Variants in KCNIP4 observed in about 807,000 individuals in gnomAD.
KCNIP4 encodes Kv channel-interacting protein 4.
A neutral mutation model predicts 34.0 loss-of-function variants in KCNIP4; 12 were observed. That is an observed-to-expected ratio of 0.35 (90% CI 0.23 to 0.57). The LOEUF is 0.57. Among genes scored for constraint, KCNIP4 ranks in the 20% least tolerant of loss-of-function variants. KCNIP4 has a pLI of 0.83. For missense variants in KCNIP4, 238 were observed against 311.7 expected, an observed-to-expected ratio of 0.76 and a Z score of 1.78; for synonymous variants, 124 against 102.2, an observed-to-expected ratio of 1.21 and a Z score of -1.29.
rs567408403 is a variant in KCNIP4 at position 21,153,144 on chromosome 4, A to G, written c.62-270435T>C. 7.2e-4 allele frequency among the ~76,000 whole-genome samples: 110 copies of G among 152,328 alleles called. 1 individual carries two copies. The highest frequency in any genetic ancestry group is 2.5e-3 in the African/African-American group (104 of 41,590). On this transcript the variant is annotated intron_variant, in intron 1 of 8. Coordinates refer to ENST00000382152, the MANE Select transcript of KCNIP4 (RefSeq NM_025221.6). ...ATTTGCACAGGTGTATGCACAGGCT[A>G]GACTCCTAGTAGTAGAATTGTTGGC... is the stretch of plus-strand genomic sequence containing the variant.
intron 1 of KCNIP4, among the ~76,000 whole-genome samples, chr4:21,237,811 C>T (rs1049809615): frequency 1.3e-5 from 2 of 152,204 alleles, no homozygotes; most frequent in African/African-American, 2.4e-5. Flanking sequence ...CAAGGAGGAG[C>T]TGTTATCATT....
At position 21,899,510 on chromosome 4, in the gene KCNIP4, G is replaced by GATA. The variant is rs1420565047; in HGVS notation, c.61+49058_61+49060dup. On this transcript the variant is annotated intron_variant, in intron 1 of 8. Coordinates refer to ENST00000382152, the MANE Select transcript of KCNIP4 (RefSeq NM_025221.6). The stretch of plus-strand genomic sequence containing the variant: ...AGAAGTCAAATTATCATTGTTTGAA[G>GATA]ATAATATGATCTTATAGTTGAAAAA... Among the ~76,000 whole-genome samples, 6 of 151,864 alleles carry GATA rather than the reference G, an allele frequency of 4.0e-5. No homozygotes were observed. In the East Asian group the frequency reaches 9.7e-4, roughly 25 times the overall value.
Position 21,892,910 on chromosome 4 carries a change from G to T in KCNIP4, c.61+55661C>A, listed in dbSNP as rs368967450. ...AGCCAGTGCATCTCTATTTTCAGCA[G>T]TTCCACAGGCGATATAGCCACAGCT... is the stretch of plus-strand genomic sequence containing the variant. On this transcript the variant is annotated intron_variant, in intron 1 of 8. Transcript: ENST00000382152. Among the ~76,000 whole-genome samples, 13 of 152,206 alleles carry T rather than the reference G, an allele frequency of 8.5e-5. No individual in the cohort carries two copies. In the South Asian group the frequency reaches 2.7e-3, roughly 32 times the overall value.
chr4:20,888,396 T>C (rs1725553388), intron 1 of KCNIP4, among the ~76,000 whole-genome samples: 2 of 152,190 alleles, frequency 1.3e-5, no homozygotes. Context: ...GCAGATTTGC[T>C]ACTTGTAATT....
Position 21,205,071 on chromosome 4 carries a change from GA to G in KCNIP4, c.62-322363del, listed in dbSNP as rs1358498389. ...ACTGTGAATTTCTGGAAGTTTCAAC[GA>G]AAAGCTGGTTCATCAAGAATGCACG... On this transcript the variant is annotated intron_variant, in intron 1 of 8. Coordinates refer to ENST00000382152, the MANE Select transcript of KCNIP4 (RefSeq NM_025221.6). 7.2e-5 allele frequency among the ~76,000 whole-genome samples: 11 copies of G among 152,310 alleles called. No individual in the cohort carries two copies. In the East Asian group the frequency reaches 2.1e-3, roughly 29 times the overall value.
intron 1 of KCNIP4, among the ~76,000 whole-genome samples, chr4:21,011,351 G>A (rs1739048947): frequency 1.3e-5 from 2 of 152,170 alleles, no homozygotes; most frequent in African/African-American, 2.4e-5. Context: ...TGAGTCATAA[G>A]AGTAACACTT....
chr4:20,818,147 C>A (rs73242504), intron 3 of KCNIP4, among the ~76,000 whole-genome samples: 12,933 of 152,166 alleles, frequency 0.085, 612 homozygotes, highest in African/African-American at 0.11. Context: ...AGATACCTTA[C>A]CCACTCAGTT....
intron 1 of KCNIP4, among the ~76,000 whole-genome samples, chr4:21,036,390 G>A (rs545280981): frequency 2.6e-5 from 4 of 152,240 alleles, no homozygotes; most frequent in African/African-American, 4.8e-5. Context: ...GATCCAATTT[G>A]GGGAATAAAG....
At chr4:21,597,715 CA>C (rs765620791) in intron 1 of KCNIP4, among the ~76,000 whole-genome samples, 1 of 152,116 alleles carries the variant, frequency 6.6e-6, no homozygotes, top group Admixed American at 6.6e-5. Context: ...GGGGATGACC[CA>C]AAATTACAGG....
chr4:20,971,572 A>G (rs1734956382), intron 1 of KCNIP4, among the ~76,000 whole-genome samples: 1 of 152,230 alleles, frequency 6.6e-6, no homozygotes, highest in Non-Finnish European at 1.5e-5. Context: ...ACAATGTGCA[A>G]ACTGTAATTT....
intron 1 of KCNIP4, among the ~76,000 whole-genome samples, chr4:21,584,770 A>G (rs1010447743): frequency 1.3e-5 from 2 of 152,074 alleles, no homozygotes; most frequent in Admixed American, 1.3e-4. Context: ...TGGAATAAAA[A>G]CTTGGAAGGA....
intron 1 of KCNIP4, among the ~76,000 whole-genome samples, chr4:21,692,370 A>G (rs1400041389): frequency 6.6e-6 from 1 of 152,210 alleles, no homozygotes; most frequent in Admixed American, 6.5e-5. Flanking sequence ...GGCAGATTAT[A>G]AGAAGATTAA....
Position 20,819,615 on chromosome 4 carries a change from C to T in KCNIP4, c.288+30928G>A, listed in dbSNP as rs372406213. ...ATAGTTTGAATGGATGAGGTCCCTC[C>T]AAAATTCATATGTTGGACCTGAATA... On this transcript the variant is annotated intron_variant, in intron 3 of 8. Transcript: ENST00000382152. 1.2e-4 allele frequency among the ~76,000 whole-genome samples: 19 copies of T among 152,298 alleles called. 1 individual carries two copies. Among genetic ancestry groups the T allele is most frequent in the South Asian group, 6.2e-4 (3 of 4,826 alleles).
chr4:20,770,505 C>T (rs1463033529), intron 3 of KCNIP4, among the ~76,000 whole-genome samples: 1 of 151,416 alleles, frequency 6.6e-6, no homozygotes, highest in Non-Finnish European at 1.5e-5. Context: ...AAGAATTCTA[C>T]TTAAAAGAAA....
rs568882159 is a variant in KCNIP4 at position 21,306,885 on chromosome 4, C to T, written c.62-424176G>A. On this transcript the variant is annotated intron_variant, in intron 1 of 8. Transcript: ENST00000382152. ...GCCCACATTGGAGTGCAATGGTGAG[C>T]GATCTCGGCTCACCGCAACCTCCGT... 2.3e-4 allele frequency among the ~76,000 whole-genome samples: 35 copies of T among 151,590 alleles called. 1 individual carries two copies. In the South Asian group the frequency reaches 4.2e-3, roughly 18 times the overall value.
chr4:21,715,408 G>T (rs1465283097), intron 1 of KCNIP4, among the ~76,000 whole-genome samples: 1 of 152,070 alleles, frequency 6.6e-6, no homozygotes, highest in Non-Finnish European at 1.5e-5. Context: ...AGGATTACAG[G>T]TGTGAGCCAC....
chr4:21,221,996 T>A (rs1758013188), intron 1 of KCNIP4, among the ~76,000 whole-genome samples: 1 of 152,154 alleles, frequency 6.6e-6, no homozygotes. Context: ...TTTAGACACA[T>A]CTATCAGATC....
chr4:21,528,723 G>T (rs1736248068), intron 1 of KCNIP4, among the ~76,000 whole-genome samples: 1 of 1,274 alleles, frequency 7.8e-4, no homozygotes, highest in African/African-American at 2.9e-3. Context: ...AAGAAAGAAA[G>T]AAAGAAAGAA....
chr4:21,326,933 A>G (rs1578082624), intron 1 of KCNIP4, among the ~76,000 whole-genome samples: 1 of 151,972 alleles, frequency 6.6e-6, no homozygotes, highest in African/African-American at 2.4e-5. Context: ...AATAAAAGTT[A>G]TGCATTTTAA....
Sources: allele counts gnomAD v4.1 joint callset (sites outside exome capture counted in the v4.1 genomes callset), GRCh38; gene constraint gnomAD v4.1.1; transcripts MANE v1.5; gene names NCBI Gene and HGNC (gene_info 2026-07-23, HGNC 2026-07-21).